AKAP6: variants seen among roughly 807,000 people sequenced by gnomAD.
AKAP6 encodes the protein A-kinase anchor protein 6.
AKAP6 carries 58 observed loss-of-function variants against 188.5 expected under a neutral mutation model. That is an observed-to-expected ratio of 0.31 (90% confidence interval 0.25 to 0.38). AKAP6 has a LOEUF of 0.38. Among genes scored for constraint, AKAP6 ranks in the 10% least tolerant of loss-of-function variants. AKAP6 has a pLI of 1.00. For missense variants in AKAP6, 2,710 were observed against 2,740.0 expected (o/e 0.99, Z 0.24); for synonymous variants, 989 against 998.6 (o/e 0.99, Z 0.18).
chr14:32,359,184 C>CA (rs919593104), intron 1 of AKAP6, among the ~76,000 whole-genome samples: 56 of 151,872 alleles, frequency 3.7e-4, no homozygotes, highest in African/African-American at 1.4e-3. Flanking sequence ...AGTTTTAGTA[C>CA]AAAAAAAATT....
chr14:32,737,496 T>C lies in AKAP6; in HGVS notation c.3372+1614T>C, dbSNP rs149620043. 2.0e-3 allele frequency among the ~76,000 whole-genome samples: 297 copies of C among 152,262 alleles called. 2 individuals carry two copies. Among genetic ancestry groups the C allele is most frequent in the African/African-American group, 6.7e-3 (279 of 41,564 alleles). ...TAATAAGCATGTACAGAGTAACAAT[T>C]TTTTACTTGCCATAAACCCAAAGAA... On this transcript the variant is annotated intron_variant, in intron 11 of 13. Transcript: ENST00000280979.
At chr14:32,567,210 C>T (rs763126941) in intron 4 of AKAP6, among the ~76,000 whole-genome samples, 47 of 152,164 alleles carry the variant, frequency 3.1e-4, no homozygotes, top group South Asian at 8.3e-4. Context: ...CATGAGCCAC[C>T]GTGCCCAGCC....
chr14:32,529,965 T>G (rs994571061), intron 2 of AKAP6, among the ~76,000 whole-genome samples: 254 of 15,818 alleles, frequency 0.016, 1 homozygote, highest in African/African-American at 0.1. Flanking sequence ...TAAAGAAACT[T>G]TTTTTTTTTT....
chr14:32,696,074 G>T lies in AKAP6; in HGVS notation c.2964G>T (p.Leu988=). 1 of 1,612,492 alleles carries T rather than the reference G, an allele frequency of 6.2e-7. No homozygotes were observed. Among genetic ancestry groups the T allele is most frequent in the Non-Finnish European group, 8.5e-7 (1 of 1,179,532 alleles). The part of the protein sequence containing the change: ...MESLVMDSHD[L]MMSEEQQQHL... ...CCCTTGTGATGGACAGCCACGACCT[G>T]ATGATGTCAGAGGAGCAGCAGCAGC... The change falls in exon 9 of 14, where the codon CTG becomes CTT. Residue 988 remains leucine (L), a synonymous_variant. Transcript: ENST00000280979.
intron 12 of AKAP6, among the ~76,000 whole-genome samples, chr14:32,804,411 C>T (rs575310549): frequency 3.5e-4 from 54 of 152,150 alleles, no homozygotes; most frequent in Non-Finnish European, 5.9e-4. Flanking sequence ...CCACGAAGCC[C>T]GCCTGAGTCT....
At chr14:32,542,200 G>A (rs1357810865) in intron 3 of AKAP6, among the ~76,000 whole-genome samples, 1 of 152,120 alleles carries the variant, frequency 6.6e-6, no homozygotes, top group African/African-American at 2.4e-5. Context: ...GCTAATTAGT[G>A]CTACAGCCAG....
Position 32,515,803 on chromosome 14 carries a change from A to G in AKAP6, c.325-19751A>G, listed in dbSNP as rs541853770. On this transcript the variant is annotated intron_variant, in intron 2 of 13. Coordinates refer to ENST00000280979, the MANE Select transcript of AKAP6 (RefSeq NM_004274.5). ...ATGGTTTGTGAATTCAATATCGGTAACATCAGTATGTATTAAGACTTCATT... is the reference window on the plus strand; with the variant it reads ...ATGGTTTGTGAATTCAATATCGGTAGCATCAGTATGTATTAAGACTTCATT... 5.9e-5 allele frequency among the ~76,000 whole-genome samples: 9 copies of G among 152,350 alleles called. No homozygotes were observed. In the South Asian group the frequency reaches 1.9e-3, roughly 32 times the overall value.
Position 32,705,560 on chromosome 14 carries a change from T to C in AKAP6, c.3000+9450T>C, listed in dbSNP as rs982780980. 3.9e-5 allele frequency among the ~76,000 whole-genome samples: 6 copies of C among 152,138 alleles called. No homozygotes were observed. The East Asian group carries it at 1.2e-3, about 29-fold the overall frequency. On this transcript the variant is annotated intron_variant, in intron 9 of 13. Transcript: ENST00000280979. ...TAAATTTGATTGTGTCAGTGCCCCATTCACATTATCTTATTTAATGCTCAC... is the reference window on the plus strand; with the variant it reads ...TAAATTTGATTGTGTCAGTGCCCCACTCACATTATCTTATTTAATGCTCAC...
intron 4 of AKAP6, among the ~76,000 whole-genome samples, chr14:32,547,293 A>G (rs1450521501): frequency 1.3e-5 from 2 of 152,210 alleles, no homozygotes. Context: ...AACCCCTTGG[A>G]TCTAATACAA....
chr14:32,584,110 G>C (rs1046279631), intron 5 of AKAP6, among the ~76,000 whole-genome samples: 1 of 152,136 alleles, frequency 6.6e-6, no homozygotes, highest in Non-Finnish European at 1.5e-5. Context: ...TTCCTATTTG[G>C]CCATCTTGGC....
chr14:32,767,553 A>G (rs75957348), intron 11 of AKAP6, among the ~76,000 whole-genome samples: 5,478 of 152,190 alleles, frequency 0.036, 138 homozygotes, highest in Middle Eastern at 0.071. Flanking sequence ...CAATAAGTAC[A>G]TTTGGATGGA....
chr14:32,393,044 A>G (rs1255745655), intron 1 of AKAP6, among the ~76,000 whole-genome samples: 1 of 152,136 alleles, frequency 6.6e-6, no homozygotes, highest in Non-Finnish European at 1.5e-5. Flanking sequence ...AGCAAGAATC[A>G]TCACTGGTTG....
chr14:32,820,828 G>C (rs867247478), intron 12 of AKAP6, among the ~76,000 whole-genome samples: 1 of 152,164 alleles, frequency 6.6e-6, no homozygotes, highest in African/African-American at 2.4e-5. Context: ...TAGGAACACA[G>C]AGGAAGGGGG....
intron 2 of AKAP6, among the ~76,000 whole-genome samples, chr14:32,511,090 C>G (rs1881233401): frequency 6.6e-6 from 1 of 152,204 alleles, no homozygotes; most frequent in African/African-American, 2.4e-5. Context: ...AATGGACAAG[C>G]AACACGGACA....
chr14:32,820,838 G>T (rs754382529), intron 12 of AKAP6, among the ~76,000 whole-genome samples: 1 of 152,146 alleles, frequency 6.6e-6, no homozygotes, highest in Non-Finnish European at 1.5e-5. Context: ...GAGGAAGGGG[G>T]GGTACACAGT....
At chr14:32,592,441 G>T (rs1885525149) in intron 5 of AKAP6, among the ~76,000 whole-genome samples, 1 of 152,148 alleles carries the variant, frequency 6.6e-6, no homozygotes, top group East Asian at 1.9e-4. Context: ...AATCTTAAAG[G>T]ATGCCCAGGG....
chr14:32,598,517 A>T (rs965572093), intron 5 of AKAP6, among the ~76,000 whole-genome samples: 20 of 152,294 alleles, frequency 1.3e-4, no homozygotes, highest in African/African-American at 4.8e-4. Flanking sequence ...ATGGATATCC[A>T]CAATTCCTGC....
chr14:32,536,815 A>G (rs1882700457), intron 3 of AKAP6, among the ~76,000 whole-genome samples: 1 of 152,182 alleles, frequency 6.6e-6, no homozygotes, highest in Non-Finnish European at 1.5e-5. Flanking sequence ...TTTGCTTGCT[A>G]AGCAGCGGCT....
At chr14:32,555,643 A>G (rs1008232188) in intron 4 of AKAP6, among the ~76,000 whole-genome samples, 1 of 152,000 alleles carries the variant, frequency 6.6e-6, no homozygotes, top group Non-Finnish European at 1.5e-5. Flanking sequence ...TCTACTTTCT[A>G]TCTCCATAAT....
Sources: allele counts gnomAD v4.1 joint callset (sites outside exome capture counted in the v4.1 genomes callset), GRCh38; gene constraint gnomAD v4.1.1; transcripts MANE v1.5; gene names NCBI Gene and HGNC (gene_info 2026-07-23, HGNC 2026-07-21).